XRN2: variants seen among roughly 807,000 people sequenced by gnomAD.
XRN2 encodes the protein DHM1-like protein.
A neutral mutation model predicts 138.5 loss-of-function variants in XRN2; 44 were observed. The observed-to-expected ratio is 0.32, with a 90% confidence interval of 0.25 to 0.41. The LOEUF (loss-of-function observed/expected upper bound fraction) is 0.41, where lower values mean the gene tolerates loss of function less well. Ranked by LOEUF, XRN2 falls within the 10% of genes least tolerant of loss-of-function variation. The probability of loss-of-function intolerance (pLI) is 1.00; values close to 1 mark genes in which losing one functional copy is unlikely to be tolerated. For missense variants in XRN2, 937 were observed against 1,169.3 expected, an observed-to-expected ratio of 0.80 and a Z score of 2.90; for synonymous variants, 354 against 369.4, an observed-to-expected ratio of 0.96 and a Z score of 0.48.
chr20:21,323,307 G>T (rs2038074273), intron 1 of XRN2, among the ~76,000 whole-genome samples: 1 of 152,184 alleles, frequency 6.6e-6, no homozygotes, highest in Non-Finnish European at 1.5e-5. Context: ...TTGTTTGTTT[G>T]TTTGGTCTTT....
chr20:21,333,960 T>G lies in XRN2; in HGVS notation c.1091T>G (p.Val364Gly). 4 of 1,614,180 alleles carry G rather than the reference T, an allele frequency of 2.5e-6. No individual in the cohort carries two copies. The highest frequency in any genetic ancestry group is 1.1e-5 in the South Asian group (1 of 91,070). Residue 364 changes from valine to glycine, a missense_variant, in exon 12 of 30, where the codon GTT becomes GGT. By Grantham distance (109) the Val-to-Gly change is moderately radical (BLOSUM62 -3). Around this residue, in one of 6 missense-constraint regions of XRN2, gnomAD observed 471 missense variants for 581.2 expected, o/e 0.81. Coordinates refer to ENST00000377191, the MANE Select transcript of XRN2 (RefSeq NM_012255.5). Reference protein sequence around the residue: ...EIRENAIDRLVNIYKNVVHKT... With the variant: ...EIRENAIDRLGNIYKNVVHKT... Reference sequence around the variant, plus strand: ...AGGGAAAATGCAATTGACCGTTTGGTTAACATATACAAAAATGTGGTACAC... The same window carrying G: ...AGGGAAAATGCAATTGACCGTTTGGGTAACATATACAAAAATGTGGTACAC...
chr20:21,363,166 A>G (rs1416235351), intron 24 of XRN2, among the ~76,000 whole-genome samples: 1 of 152,212 alleles, frequency 6.6e-6, no homozygotes, highest in African/African-American at 2.4e-5. Context: ...GTGTATACAC[A>G]CACATGCTTT....
At chr20:21,339,150 T>A in intron 14 of XRN2, 62 bp downstream of exon 14, 4 of 1,500,344 alleles carry the variant, frequency 2.7e-6, no homozygotes, top group Non-Finnish European at 2.8e-6. Context: ...ATGAGGAAGA[T>A]GTTCATTACA....
chr20:21,377,264 C>CTTTTTTTTTCTTTTTTTTTTTTTT (rs1555788237), intron 27 of XRN2, among the ~76,000 whole-genome samples: 1 of 82,782 alleles, frequency 1.2e-5, no homozygotes, highest in East Asian at 5.4e-4. Flanking sequence ...TCGGTTTTTT[C>CTTTTTTTTTCTTTTTTTTTTTTTT]TTTTTTTTTT....
chr20:21,359,562 A>G (rs1397159255), intron 24 of XRN2, among the ~76,000 whole-genome samples: 1 of 152,226 alleles, frequency 6.6e-6, no homozygotes, highest in Non-Finnish European at 1.5e-5. Context: ...TCCCAGATCT[A>G]AATGCATATT....
intron 10 of XRN2, 29 bp from the exon 11 acceptor site, chr20:21,333,675 G>A (rs2038246442): frequency 1.2e-6 from 2 of 1,614,048 alleles, no homozygotes; most frequent in Non-Finnish European, 8.5e-7. Context: ...TTTGATAGCT[G>A]TAATGGCAGC....
intron 1 of XRN2, among the ~76,000 whole-genome samples, chr20:21,313,817 A>G (rs1472341392): frequency 1.3e-5 from 2 of 152,206 alleles, no homozygotes; most frequent in Non-Finnish European, 2.9e-5. Context: ...CTCTGAGGGA[A>G]GGGAGAAAAA....
At chr20:21,303,796 A>G (rs2037774526) in intron 1 of XRN2, 7 of 1,104,422 alleles carry the variant, frequency 6.3e-6, no homozygotes, top group Non-Finnish European at 7.7e-6. Context: ...CAGACCGCGC[A>G]TTTTGGGTCT....
At chr20:21,303,568 C>T in intron 1 of XRN2, 95 bp downstream of exon 1, 4 of 1,406,464 alleles carry the variant, frequency 2.8e-6, no homozygotes, top group Non-Finnish European at 1.8e-6. Context: ...CCCGGGGAGC[C>T]TTGCCGGAGC....
chr20:21,339,804 A>G (rs2038348128), intron 14 of XRN2, among the ~76,000 whole-genome samples: 1 of 152,124 alleles, frequency 6.6e-6, no homozygotes, highest in African/African-American at 2.4e-5. Flanking sequence ...ATAATGCTTT[A>G]TAGTCATTTA....
intron 3 of XRN2, 53 bp downstream of exon 3, chr20:21,326,654 C>G (rs1156449413): frequency 7.1e-7 from 1 of 1,404,266 alleles, no homozygotes; most frequent in African/African-American, 1.5e-5. Flanking sequence ...TGCTGTGTTA[C>G]CAGTGTCTAG....
chr20:21,340,231 G>A (rs2038353724), intron 14 of XRN2, among the ~76,000 whole-genome samples: 1 of 152,028 alleles, frequency 6.6e-6, no homozygotes. Flanking sequence ...GGAAGCAGAG[G>A]TTGCAGTGAG....
At chr20:21,323,291 ATTTG>A (rs898277408) in intron 1 of XRN2, among the ~76,000 whole-genome samples, 20 of 152,054 alleles carry the variant, frequency 1.3e-4, no homozygotes, top group Non-Finnish European at 1.9e-4. Flanking sequence ...TATACAGTAG[ATTTG>A]TTTGTTTGTT....
intron 24 of XRN2, 88 bp downstream of exon 24, chr20:21,357,880 A>G: frequency 8.7e-7 from 1 of 1,147,250 alleles, no homozygotes; most frequent in Non-Finnish European, 1.3e-6. Context: ...TCACAAGGAA[A>G]TGGCAGCTGT....
At chr20:21,312,565 A>G (rs1009298435) in intron 1 of XRN2, among the ~76,000 whole-genome samples, 6 of 151,058 alleles carry the variant, frequency 4.0e-5, no homozygotes, top group Non-Finnish European at 7.4e-5. Flanking sequence ...CCTAAACTCT[A>G]GAGAGCCAGA....
intron 1 of XRN2, among the ~76,000 whole-genome samples, chr20:21,312,704 G>C (rs2037899670): frequency 6.6e-6 from 1 of 151,212 alleles, no homozygotes; most frequent in African/African-American, 2.4e-5. Flanking sequence ...CTGCCTCCTG[G>C]GTTCAAGCCA....
At position 21,365,453 on chromosome 20, in the gene XRN2, A is replaced by G; in HGVS notation, c.2288A>G (p.Asp763Gly). 1 of 1,613,774 alleles carries G rather than the reference A, an allele frequency of 6.2e-7. No homozygotes were observed. The highest frequency in any genetic ancestry group is 8.5e-7 in the Non-Finnish European group (1 of 1,179,936). The change falls in exon 25 of 30, where the codon GAT (aspartate) becomes GGT (glycine). Residue 763 changes from aspartate to glycine, a missense_variant. By Grantham distance (94) the Asp-to-Gly change is moderately conservative. Around this residue, in one of 6 missense-constraint regions of XRN2, gnomAD observed 372 missense variants for 414.4 expected, o/e 0.90. Coordinates refer to ENST00000377191, the MANE Select transcript of XRN2 (RefSeq NM_012255.5). ...TTTAAAGACCCACAGTTTGCTGAAG[A>G]TTACATTTTTAAAGCTGTAATGCTT... The part of the protein sequence containing the change: ...INFKDPQFAE[D>G]YIFKAVMLPG...
chr20:21,356,812 G>C (rs2038580939), intron 23 of XRN2, 147 bp downstream of exon 23: 1 of 730,350 alleles, frequency 1.4e-6, no homozygotes, highest in Admixed American at 2.9e-5. Flanking sequence ...AAAAATGCTT[G>C]GGTTCAAAGC....
rs912192052 is a variant in XRN2, at chr20:21,319,851, T to C, written c.76-6428T>C. 1.1e-4 allele frequency among the ~76,000 whole-genome samples: 17 copies of C among 152,278 alleles called. 1 individual carries two copies. Among genetic ancestry groups the C allele is most frequent in the African/African-American group, 3.8e-4 (16 of 41,566 alleles). On this transcript the variant is annotated intron_variant, in intron 1 of 29. Transcript: ENST00000377191. Reference sequence around the variant, plus strand: ...GTTTCCATCCACCCCTTTTTGCTATTAGGGCAAATATATTACACATATATT... The same window carrying C: ...GTTTCCATCCACCCCTTTTTGCTATCAGGGCAAATATATTACACATATATT...
Sources: gnomAD v4.1 joint callset for allele counts (sites outside exome capture counted in the v4.1 genomes callset) on GRCh38, gnomAD v4.1.1 for gene constraint, gnomAD v4.1.1 regional missense constraint, MANE v1.5 for transcripts, NCBI Gene and HGNC (gene_info 2026-07-23, HGNC 2026-07-21) for gene names.